Variants in SH3GL3 observed in about 807,000 individuals in gnomAD.
The protein encoded by SH3GL3 is SH3 domain containing GRB2 like 3, endophilin A3.
In SH3GL3, 33 loss-of-function variants were observed where a neutral mutation model predicts 47.7. That is an observed-to-expected ratio of 0.69 (90% CI 0.52 to 0.92). The LOEUF (loss-of-function observed/expected upper bound fraction) is 0.92. Ranked by LOEUF, SH3GL3 falls within the 40% of genes least tolerant of loss-of-function variation. The pLI, the probability that SH3GL3 is intolerant of heterozygous loss-of-function variation, is 0.00. For synonymous variants in SH3GL3, 155 were observed against 148.8 expected (o/e 1.04, Z -0.30); for missense variants, 363 against 417.8 (o/e 0.87, Z 1.14).
chr15:83,503,486 G>A (rs1552921), intron 1 of SH3GL3, among the ~76,000 whole-genome samples: 103,650 of 152,120 alleles, frequency 0.68, 35,633 homozygotes, highest in African/African-American at 0.76. Flanking sequence ...AACAATAAGT[G>A]AAATTTATTG....
At chr15:83,582,205 T>G (rs1286750121) in intron 6 of SH3GL3, among the ~76,000 whole-genome samples, 1 of 152,206 alleles carries the variant, frequency 6.6e-6, no homozygotes, top group African/African-American at 2.4e-5. Context: ...TAGTAGCAAA[T>G]GTAGGTCTTT....
At chr15:83,615,626 A>G (rs1202562332) in intron 8 of SH3GL3, among the ~76,000 whole-genome samples, 2 of 152,126 alleles carry the variant, frequency 1.3e-5, no homozygotes, top group African/African-American at 4.8e-5. Context: ...AACATTTATT[A>G]TAAAGCCACA....
intron 1 of SH3GL3, among the ~76,000 whole-genome samples, chr15:83,464,162 T>C (rs1252449050): frequency 6.6e-6 from 1 of 152,196 alleles, no homozygotes; most frequent in Non-Finnish European, 1.5e-5. Flanking sequence ...ACCTCCACAT[T>C]GTCAAATCTC....
chr15:83,492,433 A>T (rs992867415), intron 1 of SH3GL3, among the ~76,000 whole-genome samples: 1 of 151,834 alleles, frequency 6.6e-6, no homozygotes, highest in African/African-American at 2.4e-5. Context: ...AAAAAAAAAG[A>T]CGGGGGAAGT....
intron 1 of SH3GL3, among the ~76,000 whole-genome samples, chr15:83,527,851 C>CT (rs1003416675): frequency 7.9e-5 from 12 of 151,122 alleles, no homozygotes; most frequent in Non-Finnish European, 1.6e-4. Flanking sequence ...ATTTGAATCT[C>CT]TTTTTTTTTC....
chr15:83,499,520 G>A (rs1473394386), intron 1 of SH3GL3, among the ~76,000 whole-genome samples: 2 of 151,874 alleles, frequency 1.3e-5, no homozygotes, highest in African/African-American at 2.4e-5. Context: ...ATTTTAAAGT[G>A]TAGTCATACG....
At chr15:83,490,860 A>G (rs148927976) in intron 1 of SH3GL3, 41 of 1,614,090 alleles carry the variant, frequency 2.5e-5, no homozygotes, top group Non-Finnish European at 3.4e-5. Context: ...CTGGGATAAT[A>G]TGCAATCAAG....
chr15:83,496,364 AAAAAAAAG>A (rs2042079362), intron 1 of SH3GL3, among the ~76,000 whole-genome samples: 1 of 143,272 alleles, frequency 7.0e-6, no homozygotes, highest in South Asian at 2.8e-4. Flanking sequence ...GTCTCAAAAA[AAAAAAAAG>A]AAAAAAAAAA....
At chr15:83,465,194 C>G (rs1202465067) in intron 1 of SH3GL3, among the ~76,000 whole-genome samples, 1 of 151,754 alleles carries the variant, frequency 6.6e-6, no homozygotes, top group Non-Finnish European at 1.5e-5. Flanking sequence ...TCTGTAATCT[C>G]AGCTACTCTA....
At chr15:83,542,414 A>G (rs2044209865) in intron 1 of SH3GL3, among the ~76,000 whole-genome samples, 1 of 152,128 alleles carries the variant, frequency 6.6e-6, no homozygotes, top group South Asian at 2.1e-4. Flanking sequence ...TGATTACTCC[A>G]GTTTTATTCA....
chr15:83,483,746 G>A (rs1250780033), intron 1 of SH3GL3, among the ~76,000 whole-genome samples: 1 of 152,184 alleles, frequency 6.6e-6, no homozygotes, highest in Non-Finnish European at 1.5e-5. Flanking sequence ...TGTTGGTAGG[G>A]GCATCTGTAG....
chr15:83,565,307 T>C, intron 3 of SH3GL3, 101 bp downstream of exon 3: 1 of 762,206 alleles, frequency 1.3e-6, no homozygotes, highest in Non-Finnish European at 2.3e-6. Flanking sequence ...ATGTCGTCTG[T>C]GTCCCAATAA....
intron 8 of SH3GL3, among the ~76,000 whole-genome samples, chr15:83,589,675 C>G (rs971070104): frequency 2.0e-5 from 3 of 152,288 alleles, no homozygotes; most frequent in African/African-American, 7.2e-5. Context: ...CTGTACCCAG[C>G]CTTTTTTCTG....
intron 1 of SH3GL3, among the ~76,000 whole-genome samples, chr15:83,515,198 G>GT (rs1301658094): frequency 6.6e-6 from 1 of 152,148 alleles, no homozygotes; most frequent in East Asian, 1.9e-4. Context: ...AATCTACTGG[G>GT]TGAGTGGATT....
At chr15:83,489,358 T>A (rs758915245) in intron 1 of SH3GL3, 12 of 152,206 alleles carry the variant, frequency 7.9e-5, no homozygotes, top group Non-Finnish European at 1.2e-4. Flanking sequence ...AAAACTGCTG[T>A]GACCCTCCAC....
Position 83,597,543 on chromosome 15 carries a change from C to G in SH3GL3, c.838+8772C>G, listed in dbSNP as rs148909381. ...TACAAGTAACTAGACCTTTCATATT[C>G]CTCTGAGAATATTAATTATACTTTT... is the stretch of plus-strand genomic sequence containing the variant. On this transcript the variant is annotated intron_variant, in intron 8 of 8. Transcript: ENST00000427482. Among the ~76,000 whole-genome samples, 70 of 151,706 alleles carry G rather than the reference C, an allele frequency of 4.6e-4. No homozygotes were observed. In the East Asian group the frequency reaches 8.7e-3, roughly 19 times the overall value.
At chr15:83,585,927 A>ATCTTTGAAGGCTAAGTCCATGGTTGGT (rs2059942332) in intron 6 of SH3GL3, among the ~76,000 whole-genome samples, 1 of 152,238 alleles carries the variant, frequency 6.6e-6, no homozygotes, top group African/African-American at 2.4e-5. Flanking sequence ...AGTAGCTTGG[A>ATCTTTGAAGGCTAAGTCCATGGTTGGT]TCTTTGAAGG....
chr15:83,615,970 A>G (rs2060801086), intron 8 of SH3GL3, among the ~76,000 whole-genome samples: 1 of 152,192 alleles, frequency 6.6e-6, no homozygotes, highest in Admixed American at 6.5e-5. Flanking sequence ...AAGTTTGATT[A>G]GTTTGACTGC....
the SH3GL3 span, among the ~76,000 whole-genome samples, chr15:83,632,103 A>G: frequency 6.6e-6 from 1 of 152,136 alleles, no homozygotes; most frequent in African/African-American, 2.4e-5. Context: ...AGCAAGAATC[A>G]CCTTTATTTC....
Sources: allele counts gnomAD v4.1 joint callset (sites outside exome capture counted in the v4.1 genomes callset), GRCh38; gene constraint gnomAD v4.1.1; transcripts MANE v1.5; gene names NCBI Gene and HGNC (gene_info 2026-07-23, HGNC 2026-07-21).